Variants in CNTN1 observed in about 807,000 individuals in gnomAD.
CNTN1 encodes contactin 1, also known as contactin-1.
In CNTN1, 38 loss-of-function variants were observed where a neutral mutation model predicts 126.4. The observed-to-expected ratio is 0.30, with a 90% CI of 0.23 to 0.39. CNTN1 has a LOEUF of 0.39. CNTN1 is among the 10% of genes least tolerant of loss of function. The pLI, the probability that CNTN1 is intolerant of heterozygous loss-of-function variation, is 1.00. For missense variants in CNTN1, 1,009 were observed against 1,248.4 expected, an observed-to-expected ratio of 0.81 and a Z score of 2.89; for synonymous variants, 413 against 422.6, an observed-to-expected ratio of 0.98 and a Z score of 0.28.
intron 3 of CNTN1, among the ~76,000 whole-genome samples, chr12:40,918,310 G>A (rs1392461710): frequency 6.6e-6 from 1 of 152,108 alleles, no homozygotes; most frequent in Non-Finnish European, 1.5e-5. Flanking sequence ...ATTTTGATAG[G>A]ACAAGAAAAG....
In CNTN1 at chr12:40,943,690, G is replaced by A; in HGVS notation, c.1473G>A (p.Gly491=). ...IYTCFAENNR[G]KANSTGTLVI... ...CATGCTTTGCAGAAAATAACAGAGG[G>A]AAAGCTAATAGCACTGGAACCCTTG... Residue 491 remains glycine (G), a synonymous_variant, in exon 13 of 24, where the codon GGG becomes GGA. Coordinates refer to ENST00000551295, the MANE Select transcript of CNTN1 (RefSeq NM_001843.4). The A allele has an allele frequency of 6.2e-7, 1 of 1,612,708 alleles. No homozygotes were observed. Among genetic ancestry groups the A allele is most frequent in the South Asian group, 1.1e-5 (1 of 91,050 alleles).
At chr12:40,704,569 G>A (rs1013473118) in intron 1 of CNTN1, among the ~76,000 whole-genome samples, 1 of 151,978 alleles carries the variant, frequency 6.6e-6, no homozygotes, top group Non-Finnish European at 1.5e-5. Context: ...AAAAATTCAC[G>A]GATGTCCTAG....
intron 1 of CNTN1, among the ~76,000 whole-genome samples, chr12:40,781,381 A>G (rs1310460454): frequency 6.6e-6 from 1 of 152,004 alleles, no homozygotes; most frequent in Admixed American, 6.6e-5. Flanking sequence ...TTCCAATAGA[A>G]AATTTAAATC....
chr12:41,054,917 T>G (rs1416902922), intron 23 of CNTN1, among the ~76,000 whole-genome samples: 2 of 152,190 alleles, frequency 1.3e-5, no homozygotes, highest in Non-Finnish European at 1.5e-5. Context: ...TGGTTTATCG[T>G]CAGCCATTTT....
intron 1 of CNTN1, among the ~76,000 whole-genome samples, chr12:40,720,961 A>C (rs1265277982): frequency 6.6e-6 from 1 of 150,742 alleles, no homozygotes; most frequent in African/African-American, 2.4e-5. Context: ...ATATATATAT[A>C]TATGTGTATA....
chr12:40,990,905 G>A (rs552549594), intron 16 of CNTN1, among the ~76,000 whole-genome samples: 1 of 152,234 alleles, frequency 6.6e-6, no homozygotes, highest in African/African-American at 2.4e-5. Context: ...AAGCAGGGGA[G>A]CAGGTCAGAC....
intron 17 of CNTN1, among the ~76,000 whole-genome samples, chr12:40,996,308 T>G (rs895106690): frequency 6.6e-6 from 1 of 152,084 alleles, no homozygotes; most frequent in Non-Finnish European, 1.5e-5. Context: ...TTTTGTGTGT[T>G]TTTTGGTAGA....
At chr12:41,038,995 A>G (rs1218573997) in intron 23 of CNTN1, among the ~76,000 whole-genome samples, 1 of 152,144 alleles carries the variant, frequency 6.6e-6, no homozygotes, top group African/African-American at 2.4e-5. Flanking sequence ...AACTGGCTGT[A>G]TGTTTAGATG....
At chr12:40,917,321 G>T (rs1185992042) in intron 3 of CNTN1, among the ~76,000 whole-genome samples, 1 of 152,024 alleles carries the variant, frequency 6.6e-6, no homozygotes, top group Admixed American at 6.6e-5. Flanking sequence ...TATAAGCTAG[G>T]TACATTGCCA....
At chr12:40,764,132 T>G (rs975962186) in intron 1 of CNTN1, among the ~76,000 whole-genome samples, 2 of 152,114 alleles carry the variant, frequency 1.3e-5, no homozygotes, top group African/African-American at 4.8e-5. Flanking sequence ...ACTCCTTCCA[T>G]AGAGGGAGTG....
chr12:40,789,136 T>C (rs1367928626), intron 1 of CNTN1, among the ~76,000 whole-genome samples: 1 of 152,132 alleles, frequency 6.6e-6, no homozygotes, highest in Non-Finnish European at 1.5e-5. Context: ...TTTTTCCATA[T>C]ATAGATAATA....
chr12:41,016,883 A>G lies in CNTN1; in HGVS notation c.2386A>G (p.Ser796Gly). 1 of 1,614,174 alleles carries G rather than the reference A, an allele frequency of 6.2e-7. No homozygotes were observed. Among genetic ancestry groups the G allele is most frequent in the South Asian group, 1.1e-5 (1 of 91,088 alleles). Residue 796 changes from serine to glycine, a missense_variant, in exon 19 of 24, where the codon AGC becomes GGC. Physicochemically the swap from Ser to Gly is moderately conservative, Grantham distance 56. Transcript: ENST00000551295. ...AFNNKGDGPYSLVAVINSAQD... is the reference protein window; with the variant it reads ...AFNNKGDGPYGLVAVINSAQD... The stretch of plus-strand genomic sequence containing the variant: ...CAACAACAAAGGAGATGGACCTTAC[A>G]GCCTAGTAGCAGTCATTAATTCAGC...
intron 20 of CNTN1, among the ~76,000 whole-genome samples, chr12:41,024,656 G>A (rs952813724): frequency 3.3e-5 from 5 of 152,130 alleles, no homozygotes; most frequent in African/African-American, 1.2e-4. Context: ...GGAGGCAGAA[G>A]AAAGTATTAC....
intron 1 of CNTN1, among the ~76,000 whole-genome samples, chr12:40,793,971 G>A (rs79036872): frequency 1.3e-5 from 2 of 151,920 alleles, no homozygotes; most frequent in Admixed American, 1.3e-4. Flanking sequence ...TGGTAAGGGG[G>A]AACTCATTTG....
intron 1 of CNTN1, among the ~76,000 whole-genome samples, chr12:40,796,461 C>A (rs1479342031): frequency 6.6e-6 from 1 of 151,980 alleles, no homozygotes; most frequent in Non-Finnish European, 1.5e-5. Flanking sequence ...ATCAAAATCT[C>A]TAGGAGTGGG....
At chr12:40,817,831 T>G (rs1941309542) in intron 1 of CNTN1, among the ~76,000 whole-genome samples, 1 of 152,146 alleles carries the variant, frequency 6.6e-6, no homozygotes, top group South Asian at 2.1e-4. Flanking sequence ...ATTTAATGCT[T>G]TTTTCAGGAG....
At chr12:40,896,046 G>C (rs972715923) in intron 1 of CNTN1, 1 of 152,126 alleles carries the variant, frequency 6.6e-6, no homozygotes, top group Non-Finnish European at 1.5e-5. Flanking sequence ...GATTACAGGC[G>C]TGAGCCACCG....
intron 1 of CNTN1, chr12:40,742,325 T>G (rs530062383): frequency 2.5e-4 from 38 of 152,242 alleles, no homozygotes; most frequent in African/African-American, 8.9e-4. Context: ...GAGTGGTATT[T>G]CACCATAGTA....
chr12:41,026,038 T>A (rs1311898478), intron 21 of CNTN1, among the ~76,000 whole-genome samples: 1 of 152,216 alleles, frequency 6.6e-6, no homozygotes, highest in Admixed American at 6.5e-5. Flanking sequence ...GATGACAGAA[T>A]GTAGTGACAA....
Sources: allele counts gnomAD v4.1 joint callset (sites outside exome capture counted in the v4.1 genomes callset), GRCh38; gene constraint gnomAD v4.1.1; transcripts MANE v1.5; gene names NCBI Gene and HGNC (gene_info 2026-07-23, HGNC 2026-07-21).